The following FBXL17 variants were observed in gnomAD, a reference collection of about 807,000 sequenced individuals.
The protein encoded by FBXL17 is F-box/LRR-repeat protein 17.
Under a neutral mutation model 66.2 loss-of-function variants are expected in FBXL17, and 22 were observed. That is an observed-to-expected ratio of 0.33 (90% CI 0.24 to 0.47). The LOEUF is 0.47. FBXL17 is among the 20% of genes least tolerant of loss of function. The pLI is 1.00. For missense variants in FBXL17, 878 were observed against 948.2 expected, an observed-to-expected ratio of 0.93 and a Z score of 0.97; for synonymous variants, 474 against 400.5, an observed-to-expected ratio of 1.18 and a Z score of -2.19.
intron 4 of FBXL17, among the ~76,000 whole-genome samples, chr5:108,258,297 A>T (rs1756663270): frequency 6.6e-6 from 1 of 152,178 alleles, no homozygotes; most frequent in African/African-American, 2.4e-5. Context: ...CCAGACCTTG[A>T]TCTTGGACTT....
chr5:108,363,336 T>C (rs1013131730), intron 3 of FBXL17, among the ~76,000 whole-genome samples: 1 of 151,990 alleles, frequency 6.6e-6, no homozygotes, highest in Non-Finnish European at 1.5e-5. Flanking sequence ...GAGTCTATTA[T>C]GAAATCAGAC....
intron 3 of FBXL17, among the ~76,000 whole-genome samples, chr5:108,352,800 C>T (rs576737351): frequency 8.5e-5 from 13 of 152,152 alleles, no homozygotes; most frequent in African/African-American, 2.7e-4. Context: ...TGAGCCACTG[C>T]GCCTGGACGA....
intron 6 of FBXL17, among the ~76,000 whole-genome samples, chr5:108,127,789 AC>A (rs1283186011): frequency 6.6e-6 from 1 of 152,238 alleles, no homozygotes; most frequent in Non-Finnish European, 1.5e-5. Flanking sequence ...CTAATAAAAA[AC>A]AAGCATGAAT....
At chr5:108,342,897 C>T (rs1025060937) in intron 4 of FBXL17, among the ~76,000 whole-genome samples, 1 of 152,094 alleles carries the variant, frequency 6.6e-6, no homozygotes, top group Non-Finnish European at 1.5e-5. Flanking sequence ...GGTTTGTGTA[C>T]CCCCAAAACC....
chr5:108,022,013 A>C (rs1459866733), intron 6 of FBXL17, among the ~76,000 whole-genome samples: 2 of 151,894 alleles, frequency 1.3e-5, no homozygotes, highest in Non-Finnish European at 2.9e-5. Flanking sequence ...TATTTGTAGG[A>C]ATCTTCATAA....
At chr5:107,910,444 C>T (rs1166716823) in intron 7 of FBXL17, among the ~76,000 whole-genome samples, 1 of 152,014 alleles carries the variant, frequency 6.6e-6, no homozygotes, top group Non-Finnish European at 1.5e-5. Context: ...CCATCTGAAA[C>T]TGACAGCAAG....
intron 7 of FBXL17, among the ~76,000 whole-genome samples, chr5:107,916,258 C>T (rs867587541): frequency 2.0e-5 from 3 of 152,212 alleles, no homozygotes; most frequent in South Asian, 2.1e-4. Context: ...GCCATCTAAA[C>T]ATGGTTAAGG....
intron 4 of FBXL17, among the ~76,000 whole-genome samples, chr5:108,316,256 T>C (rs1295185269): frequency 6.6e-6 from 1 of 151,490 alleles, no homozygotes; most frequent in South Asian, 2.1e-4. Flanking sequence ...ATTAAAATAC[T>C]TTGCTAGACA....
chr5:107,997,413 A>G (rs1253072420), intron 7 of FBXL17, among the ~76,000 whole-genome samples: 4 of 152,202 alleles, frequency 2.6e-5, no homozygotes, highest in African/African-American at 9.7e-5. Flanking sequence ...AGCAAAGTCC[A>G]CAATTCAGAT....
At chr5:108,158,619 G>A (rs1173255202) in intron 6 of FBXL17, among the ~76,000 whole-genome samples, 2 of 151,902 alleles carry the variant, frequency 1.3e-5, no homozygotes, top group Non-Finnish European at 2.9e-5. Context: ...AAAATAGAGA[G>A]ACTGGAGCAG....
chr5:107,915,035 G>C (rs1750080679), intron 7 of FBXL17, among the ~76,000 whole-genome samples: 1 of 151,954 alleles, frequency 6.6e-6, no homozygotes, highest in South Asian at 2.1e-4. Flanking sequence ...CTACACTTTA[G>C]TCTTTGATGA....
rs369652150 is a variant in FBXL17 at position 108,083,250 on chromosome 5, C to CACACACACACACACAG, written c.1746-62250_1746-62249insCTGTGTGTGTGTGTGT. Among the ~76,000 whole-genome samples the CACACACACACACACAG allele has an allele frequency of 4.6e-3, 663 of 145,640 alleles. 2 individuals carry two copies. Among genetic ancestry groups the CACACACACACACACAG allele is most frequent in the Middle Eastern group, 0.011 (3 of 284 alleles). ...ACACACACACACACACACACACACA[C>CACACACACACACACAG]AGAGAGAGAGATAGACAGATATATT... On this transcript the variant is annotated intron_variant, in intron 6 of 8. Transcript: ENST00000542267.
intron 4 of FBXL17, among the ~76,000 whole-genome samples, chr5:108,252,152 T>A (rs1017611210): frequency 3.3e-5 from 5 of 152,112 alleles, no homozygotes; most frequent in Admixed American, 6.6e-5. Context: ...CCAATATTGG[T>A]GAGAATATAA....
chr5:108,168,190 T>C (rs541034876), intron 6 of FBXL17, among the ~76,000 whole-genome samples: 2 of 152,216 alleles, frequency 1.3e-5, no homozygotes, highest in Admixed American at 6.5e-5. Context: ...TCAAAAGTTG[T>C]TGATTTTCCC....
At chr5:108,125,172 A>ATG (rs1208439655) in intron 6 of FBXL17, among the ~76,000 whole-genome samples, 2 of 152,048 alleles carry the variant, frequency 1.3e-5, no homozygotes, top group Non-Finnish European at 2.9e-5. Flanking sequence ...ACATACTATA[A>ATG]AAATAAAATG....
rs1310730354 is a variant in FBXL17 at position 108,381,069 on chromosome 5, G to A, written c.623C>T (p.Thr208Ile). The A allele has an allele frequency of 1.3e-5, 16 of 1,236,608 alleles. No homozygotes were observed. The highest frequency in any genetic ancestry group is 1.6e-5 in the African/African-American group (1 of 63,766). 76.6% of individuals were successfully genotyped at this position (1,236,608 alleles called of 1,614,324 possible). A position where few individuals can be genotyped will look rare whatever the true frequency, so the allele number is the denominator to read the frequency against. ...KRKGAGVPACTPCKQPRCGGG... is the reference protein window; with the variant it reads ...KRKGAGVPACIPCKQPRCGGG... ...GCCGCAGCGGGGCTGCTTGCAGGGGGTGCAGGCGGGGACCCCGGCCCCCTT... is the reference window on the plus strand; with the variant it reads ...GCCGCAGCGGGGCTGCTTGCAGGGGATGCAGGCGGGGACCCCGGCCCCCTT... Residue 208 changes from threonine (T) to isoleucine (I), a missense_variant, in exon 1 of 9, where the codon ACC becomes ATC. Thr to Ile is a moderately conservative substitution (Grantham distance 89). Around this residue, in one of 4 missense-constraint regions of FBXL17, gnomAD observed 605 missense variants for 509.5 expected, o/e 1.19. Coordinates refer to ENST00000542267, the MANE Select transcript of FBXL17 (RefSeq NM_001163315.3).
rs191741777 is a variant in FBXL17 at position 108,105,141 on chromosome 5, G to C, written c.1745+80976C>G. Among the ~76,000 whole-genome samples, 16 of 152,224 alleles carry C rather than the reference G, an allele frequency of 1.1e-4. No homozygotes were observed. In the East Asian group the frequency reaches 2.9e-3, roughly 28 times the overall value. ...CAGGCGTGAGCCACCACACCTGGCC[G>C]TGATTTTTTTAATGTATGAATTGCT... is the stretch of plus-strand genomic sequence containing the variant. On this transcript the variant is annotated intron_variant, in intron 6 of 8. Transcript: ENST00000542267.
intron 4 of FBXL17, among the ~76,000 whole-genome samples, chr5:108,253,999 A>C (rs1756471152): frequency 2.0e-5 from 3 of 152,138 alleles, no homozygotes; most frequent in African/African-American, 7.2e-5. Flanking sequence ...AAGAAACTGT[A>C]AAGAGGTATC....
At chr5:107,990,925 T>C (rs1753216037) in intron 7 of FBXL17, among the ~76,000 whole-genome samples, 2 of 152,290 alleles carry the variant, frequency 1.3e-5, no homozygotes, top group Middle Eastern at 3.4e-3. Flanking sequence ...CATCCAATTT[T>C]ATCCTTATAA....
Sources: gnomAD v4.1 joint callset for allele counts (sites outside exome capture counted in the v4.1 genomes callset) on GRCh38, gnomAD v4.1.1 for gene constraint, gnomAD v4.1.1 regional missense constraint, MANE v1.5 for transcripts, NCBI Gene and HGNC (gene_info 2026-07-23, HGNC 2026-07-21) for gene names.